FRMD7: variants seen among roughly 807,000 people sequenced by gnomAD.
FRMD7 encodes FERM domain-containing protein 7.
FRMD7 carries 14 observed loss-of-function variants against 44.1 expected under a neutral mutation model. The ratio of observed to expected loss-of-function variants is 0.32; its 90% CI spans 0.21 to 0.50. The LOEUF is 0.50. Ranked by LOEUF, FRMD7 falls within the 20% of genes least tolerant of loss-of-function variation. The pLI is 0.99. For synonymous variants in FRMD7, 212 were observed against 187.4 expected, an observed-to-expected ratio of 1.13 and a Z score of -1.07; for missense variants, 501 against 522.3, an observed-to-expected ratio of 0.96 and a Z score of 0.40.
chrX:132,124,967 T>G (rs1929120797), intron 1 of FRMD7, among the ~76,000 whole-genome samples: 1 of 112,123 alleles, frequency 8.9e-6, no homozygotes, highest in South Asian at 3.8e-4. Context: ...CCATGGCCTC[T>G]GTGGACACAG....
intron 1 of FRMD7, among the ~76,000 whole-genome samples, chrX:132,106,069 A>G (rs1407500016): frequency 1.8e-5 from 2 of 112,340 alleles, no homozygotes; most frequent in African/African-American, 3.2e-5. Flanking sequence ...CAGAGTAAAT[A>G]TACAACCTAC....
At chrX:132,120,560 G>A (rs1490349278) in intron 1 of FRMD7, among the ~76,000 whole-genome samples, 1 of 112,963 alleles carries the variant, frequency 8.9e-6, no homozygotes, top group Non-Finnish European at 1.9e-5. Flanking sequence ...GGCCTCAAAT[G>A]TTTTTGCGTT....
Position 132,078,776 on chromosome X carries a change from A to T in FRMD7, c.1241T>A (p.Phe414Tyr). The T allele has an allele frequency of 8.3e-7, 1 of 1,209,772 alleles. No homozygotes were observed. ...GACAGGGTCCATATAAATAAAAGGG[A>T]AAGAGGAACTGCTTTGGGACTGATG... ...LLHQSQSSSS[F>Y]PFIYMDPVFN... Residue 414 changes from phenylalanine (F) to tyrosine (Y), a missense_variant, in exon 12 of 12, where the codon TTC becomes TAC. Physicochemically the swap from Phe to Tyr is conservative, Grantham distance 22. Around this residue, in one of 3 missense-constraint regions of FRMD7, gnomAD observed 453 missense variants for 452.7 expected, o/e 1.00. Coordinates refer to ENST00000298542, the MANE Select transcript of FRMD7 (RefSeq NM_194277.3).
chrX:132,078,745 G>A lies in FRMD7; in HGVS notation c.1272C>T (p.Asn424=). Reference sequence around the variant, plus strand: ...GATCAGGGTTAGGATTGGGCTCAGTGTTAAAGACAGGGTCCATATAAATAA... The same window carrying A: ...GATCAGGGTTAGGATTGGGCTCAGTATTAAAGACAGGGTCCATATAAATAA... The part of the protein sequence containing the change: ...FPFIYMDPVF[N]TEPNPNPDPR... Residue 424 remains asparagine, a synonymous_variant, in exon 12 of 12, where the codon AAC becomes AAT. Transcript: ENST00000298542. 6 of 1,210,367 alleles carry A rather than the reference G, an allele frequency of 5.0e-6. No individual in the cohort carries two copies. The highest frequency in any genetic ancestry group is 6.7e-6 in the Non-Finnish European group (6 of 894,222).
intron 5 of FRMD7, among the ~76,000 whole-genome samples, chrX:132,087,509 A>G (rs192820730): frequency 2.3e-3 from 262 of 111,899 alleles, no homozygotes; most frequent in Non-Finnish European, 1.7e-3. Flanking sequence ...ATTTTTTAAA[A>G]GACCAAAGAA....
chrX:132,120,568 G>A (rs544254249), intron 1 of FRMD7, among the ~76,000 whole-genome samples: 3 of 112,848 alleles, frequency 2.7e-5, no homozygotes, highest in African/African-American at 9.6e-5. Flanking sequence ...ATGTTTTTGC[G>A]TTCGGGTTCC....
chrX:132,109,033 G>C (rs1458059683), intron 1 of FRMD7, among the ~76,000 whole-genome samples: 1 of 111,927 alleles, frequency 8.9e-6, no homozygotes, highest in Non-Finnish European at 1.9e-5. Context: ...ATTAGCATTT[G>C]CACCATCTGA....
intron 1 of FRMD7, among the ~76,000 whole-genome samples, chrX:132,127,189 C>G (rs1283996928): frequency 8.9e-6 from 1 of 112,336 alleles, no homozygotes; most frequent in East Asian, 2.8e-4. Flanking sequence ...TTTGTTCTTT[C>G]TTGAAGAGAT....
At chrX:132,092,664 T>C (rs1385412931) in intron 5 of FRMD7, among the ~76,000 whole-genome samples, 1 of 111,802 alleles carries the variant, frequency 8.9e-6, no homozygotes, top group East Asian at 2.8e-4. Flanking sequence ...AAGGCAGAAC[T>C]GTTAAGAATG....
chrX:132,109,163 A>G (rs1427310373), intron 1 of FRMD7, among the ~76,000 whole-genome samples: 5 of 111,832 alleles, frequency 4.5e-5, no homozygotes, highest in East Asian at 2.8e-4. Context: ...TCATCTCTCC[A>G]GGTGGCAAGT....
intron 1 of FRMD7, among the ~76,000 whole-genome samples, chrX:132,111,252 AT>A (rs1241160531): frequency 1.8e-5 from 2 of 111,988 alleles, no homozygotes; most frequent in Non-Finnish European, 3.8e-5. Context: ...TTGTTTTTAA[AT>A]TTTTTATCTA....
Position 132,103,379 on chromosome X carries a change from C to T in FRMD7, c.58-2663G>A, listed in dbSNP as rs1190210571. 4.5e-5 allele frequency among the ~76,000 whole-genome samples: 5 copies of T among 111,210 alleles called. No individual in the cohort carries two copies. The East Asian group carries it at 8.5e-4, about 19-fold the overall frequency. On this transcript the variant is annotated intron_variant, in intron 1 of 11. Transcript: ENST00000298542. ...AGCTGGTACTTTTCAATATCCTAAT[C>T]AAGCTCCTTAGCAGATCTAAATTCT...
At chrX:132,079,109 T>C (rs1927725330) in intron 11 of FRMD7, 143 bp from the exon 12 acceptor site, 3 of 531,397 alleles carry the variant, frequency 5.6e-6, no homozygotes, top group Admixed American at 5.2e-5. Context: ...CTAGGGTAGA[T>C]AAATATATAA....
intron 1 of FRMD7, 144 bp from the exon 2 acceptor site, chrX:132,100,860 T>C (rs977067116): frequency 1.8e-5 from 9 of 490,237 alleles, no homozygotes; most frequent in Non-Finnish European, 3.2e-5. Flanking sequence ...TTTTCAAAGA[T>C]GTTGACCTTT....
At position 132,078,731 on chromosome X, in the gene FRMD7, G is replaced by A. The variant is rs1377342176; in HGVS notation, c.1286C>T (p.Pro429Leu). The change falls in exon 12 of 12, where the codon CCT becomes CTT. Residue 429 changes from proline (P) to leucine (L), a missense_variant. Around this residue, in one of 3 missense-constraint regions of FRMD7, gnomAD observed 453 missense variants for 452.7 expected, o/e 1.00. Coordinates refer to ENST00000298542, the MANE Select transcript of FRMD7 (RefSeq NM_194277.3). ...MDPVFNTEPNPNPDPRDIFSE... is the reference protein window; with the variant it reads ...MDPVFNTEPNLNPDPRDIFSE... ...AAAAATGTCTCTGGGATCAGGGTTA[G>A]GATTGGGCTCAGTGTTAAAGACAGG... 9.1e-6 allele frequency: 11 copies of A among 1,210,254 alleles called. No individual in the cohort carries two copies. The highest frequency in any genetic ancestry group is 1.2e-5 in the Non-Finnish European group (11 of 894,023).
chrX:132,094,888 A>G (rs1315238338), intron 4 of FRMD7, among the ~76,000 whole-genome samples: 1 of 111,185 alleles, frequency 9.0e-6, no homozygotes, highest in Non-Finnish European at 1.9e-5. Context: ...CTCATCAGGG[A>G]CCTATGAAAT....
In FRMD7 at chrX:132,078,551, C is replaced by T. The variant is rs767944826; in HGVS notation, c.1466G>A (p.Gly489Asp). The T allele has an allele frequency of 1.7e-6, 2 of 1,211,656 alleles. No individual in the cohort carries two copies. The highest frequency in any genetic ancestry group is 2.2e-6 in the Non-Finnish European group (2 of 895,448). ...PYIPCTGQQV[G>D]IMPPQVFFYV... The stretch of plus-strand genomic sequence containing the variant: ...AAAAAAGACCTGGGGAGGCATAATA[C>T]CAACCTGCTGACCTGTACAAGGAAT... The change falls in exon 12 of 12, where the codon GGT becomes GAT. Residue 489 changes from glycine to aspartate, a missense_variant. This residue lies in a region of FRMD7 where 453 missense variants were observed against 452.7 expected (regional missense o/e 1.00). Transcript: ENST00000298542.
chrX:132,085,762 T>C (rs1927965537), intron 6 of FRMD7, 34 bp from the exon 7 acceptor site: 2 of 1,186,406 alleles, frequency 1.7e-6, no homozygotes, highest in African/African-American at 3.5e-5. Context: ...GCCTAATAAA[T>C]GCCTCAAGAA....
chrX:132,094,247 T>G lies in FRMD7; in HGVS notation c.285-108A>C, dbSNP rs190186129. 3 of 547,332 alleles carry G rather than the reference T, an allele frequency of 5.5e-6. No homozygotes were observed. In the South Asian group the frequency reaches 7.3e-5, roughly 13 times the overall value. 45.1% of individuals were successfully genotyped at this position (547,332 alleles called of 1,213,427 possible). Reference sequence around the variant, plus strand: ...TTCAAGAAAGGAATGGTGCCCCCAGTCAGTCAGATGCCTTTTTGGGGGTGG... The same window carrying G: ...TTCAAGAAAGGAATGGTGCCCCCAGGCAGTCAGATGCCTTTTTGGGGGTGG... On this transcript the variant is annotated intron_variant, in intron 4 of 11. Coordinates refer to ENST00000298542, the MANE Select transcript of FRMD7 (RefSeq NM_194277.3).
Sources: gnomAD v4.1 joint callset for allele counts (sites outside exome capture counted in the v4.1 genomes callset) on GRCh38, gnomAD v4.1.1 for gene constraint, gnomAD v4.1.1 regional missense constraint, MANE v1.5 for transcripts, NCBI Gene and HGNC (gene_info 2026-07-23, HGNC 2026-07-21) for gene names.